Variants in TNXB observed in about 807,000 individuals in gnomAD.
The protein encoded by TNXB is tenascin-X.
In TNXB, 183 loss-of-function variants were observed where a neutral mutation model predicts 340.5. The ratio of observed to expected loss-of-function variants is 0.54; its 90% CI spans 0.48 to 0.61. The LOEUF (loss-of-function observed/expected upper bound fraction) is 0.61, where lower values mean the gene tolerates loss of function less well. Ranked by LOEUF, TNXB falls within the 20% of genes least tolerant of loss-of-function variation. The pLI is 0.00. For synonymous variants in TNXB, 2,121 were observed against 2,314.5 expected (o/e 0.92, Z 2.40); for missense variants, 4,613 against 5,446.4 (o/e 0.85, Z 4.82).
chr6:32,096,682 C>A lies in TNXB; in HGVS notation c.1171G>T (p.Asp391Tyr), dbSNP rs752635548. ...CAGTCGTCCCCGCTGTAGCCCGTGT[C>A]GCAAATGCATTCGCCGTCCTCGCAG... ...GRCEDGECIC[D>Y]TGYSGDDCGV... The change falls in exon 3 of 44, where the codon GAC (aspartate) becomes TAC (tyrosine). Residue 391 changes from aspartate (D) to tyrosine (Y), a missense_variant. By Grantham distance (160) the Asp-to-Tyr change is radical (BLOSUM62 -3). Coordinates refer to ENST00000644971, the MANE Select transcript of TNXB (RefSeq NM_001365276.2). 12 of 1,549,784 alleles carry A rather than the reference C, an allele frequency of 7.7e-6. No homozygotes were observed. In the East Asian group the frequency reaches 2.7e-4, roughly 35 times the overall value.
chr6:32,087,083 A>G lies in TNXB; in HGVS notation c.2780-965T>C, dbSNP rs925141710. 2.0e-5 allele frequency among the ~76,000 whole-genome samples: 3 copies of G among 152,182 alleles called. No homozygotes were observed. The highest frequency in any genetic ancestry group is 7.2e-5 in the African/African-American group (3 of 41,448). ...GGGGTGGGGACGTCTTCTAGGGACA[A>G]TGGACTCGTGCTTTGTCCTGGGGGC... On this transcript the variant is annotated intron_variant, in intron 6 of 43. Coordinates refer to ENST00000644971, the MANE Select transcript of TNXB (RefSeq NM_001365276.2). This position sits in a 1 kb window ranked among gnomAD's most constrained non-coding sequence, Gnocchi z 9.0.
In TNXB at chr6:32,056,464, C is replaced by A. The variant is rs572639663; in HGVS notation, c.8143+122G>T. ...TCAGAGGAAGGCCCAAGGGGAGCCCCAGCCACAAGCAGGTCTGTGGTGCTG... is the reference window on the plus strand; with the variant it reads ...TCAGAGGAAGGCCCAAGGGGAGCCCAAGCCACAAGCAGGTCTGTGGTGCTG... On this transcript the variant is annotated intron_variant, in intron 23 of 43. Coordinates refer to ENST00000644971, the MANE Select transcript of TNXB (RefSeq NM_001365276.2). The A allele has an allele frequency of 3.2e-5, 47 of 1,479,156 alleles. No individual in the cohort carries two copies. In the African/African-American group the frequency reaches 6.1e-4, roughly 19 times the overall value. 91.6% of individuals were successfully genotyped at this position (1,479,156 alleles called of 1,614,324 possible). A position where few individuals can be genotyped will look rare whatever the true frequency, so the allele number is the denominator to read the frequency against.
chr6:32,053,998 AGCCTCCCT>A (rs1777474253), intron 24 of TNXB, among the ~76,000 whole-genome samples: 1 of 150,546 alleles, frequency 6.6e-6, no homozygotes, highest in African/African-American at 2.4e-5. Flanking sequence ...CTGCACCCTT[AGCCTCCCT>A]GCACTGGTGT....
rs559844013 is a variant in TNXB, at chr6:32,106,657, C to T, written c.-9+2524G>A. Among the ~76,000 whole-genome samples the T allele has an allele frequency of 1.6e-4, 24 of 152,304 alleles. No homozygotes were observed. The South Asian group carries it at 4.8e-3, about 30-fold the overall frequency. ...TGAACAGGGACAGAGTGTTTCCACA[C>T]CAAGAGGCTCCCCACCCAAGAAAGC... On this transcript the variant is annotated intron_variant, in intron 1 of 43. Transcript: ENST00000644971.
Position 32,070,554 on chromosome 6 carries a change from A to G in TNXB, c.4991-140T>C. 2 of 953,094 alleles carry G rather than the reference A, an allele frequency of 2.1e-6. No individual in the cohort carries two copies. The highest frequency in any genetic ancestry group is 2.1e-5 in the South Asian group (1 of 48,390). The allele number at this position is 953,094 out of a possible 1,614,324, so 59.0% of individuals were successfully genotyped here. A position where few individuals can be genotyped will look rare whatever the true frequency, so the allele number is the denominator to read the frequency against. ...TCCATCACCTCCCATCCTCACCACC[A>G]TCTCCGTCTGGTCCATGCCTCTCTC... On this transcript the variant is annotated intron_variant, in intron 13 of 43. Transcript: ENST00000644971. This position sits in a 1 kb window ranked among gnomAD's most constrained non-coding sequence, Gnocchi z 6.0.
Position 32,061,391 on chromosome 6 carries a change from A to T in TNXB, c.7492+6T>A, listed in dbSNP as rs1283608676. Reference sequence around the variant, plus strand: ...TGGTTACCCCGAGACTCCAAGCACTACTCACCAGTCACGCCCACGGTGGAC... The same window carrying T: ...TGGTTACCCCGAGACTCCAAGCACTTCTCACCAGTCACGCCCACGGTGGAC... On this transcript the variant is annotated splice_donor_region_variant and intron_variant, in intron 21 of 43. Transcript: ENST00000644971. This position sits in a 1 kb window ranked among gnomAD's most constrained non-coding sequence, Gnocchi z 4.4. 1 of 1,611,588 alleles carries T rather than the reference A, an allele frequency of 6.2e-7. No homozygotes were observed. Among genetic ancestry groups the T allele is most frequent in the Non-Finnish European group, 8.5e-7 (1 of 1,178,888 alleles).
chr6:32,073,516 G>A lies in TNXB; in HGVS notation c.4681+131C>T, dbSNP rs1225800728. 14 of 773,414 alleles carry A rather than the reference G, an allele frequency of 1.8e-5. No homozygotes were observed. In the East Asian group the frequency reaches 2.7e-4, roughly 15 times the overall value. The allele number at this position is 773,414 out of a possible 1,614,324, so 47.9% of individuals were successfully genotyped here. ...GAACAGAAAGACTGGCAGGGTCACC[G>A]AGCCAGGGCCTGAGGGGATCTAGCC... On this transcript the variant is annotated intron_variant, in intron 12 of 43. Transcript: ENST00000644971. This position sits in a 1 kb window ranked among gnomAD's most constrained non-coding sequence, Gnocchi z 4.6.
intron 22 of TNXB, 135 bp from the exon 23 acceptor site, chr6:32,057,038 C>T: frequency 8.6e-7 from 1 of 1,168,778 alleles, no homozygotes; most frequent in South Asian, 1.5e-5. Flanking sequence ...CACAGCTCTT[C>T]ATCCTCTCCT....
chr6:32,071,105 G>A (rs1346871689), intron 13 of TNXB, among the ~76,000 whole-genome samples: 1 of 152,130 alleles, frequency 6.6e-6, no homozygotes, highest in Non-Finnish European at 1.5e-5. Flanking sequence ...CGGTGAGGAC[G>A]CTGACGACAT....
chr6:32,105,300 C>T (rs1217372467), intron 1 of TNXB, among the ~76,000 whole-genome samples: 1 of 152,172 alleles, frequency 6.6e-6, no homozygotes, highest in Non-Finnish European at 1.5e-5. Flanking sequence ...CAGGTCAGGT[C>T]CTCCTATCAT....
rs1356750626 is a variant in TNXB, at chr6:32,080,710, T to G, written c.4042+658A>C. Among the ~76,000 whole-genome samples, 2 of 152,076 alleles carry G rather than the reference T, an allele frequency of 1.3e-5. No homozygotes were observed. Among genetic ancestry groups the G allele is most frequent in the Non-Finnish European group, 1.5e-5 (1 of 68,020 alleles). ...CCGGAGTCTTTGCTCCTAACCACTA[T>G]CCACACTATCTCTCATCAAATAATT... On this transcript the variant is annotated intron_variant, in intron 10 of 43. Transcript: ENST00000644971. This position sits in a 1 kb window ranked among gnomAD's most constrained non-coding sequence, Gnocchi z 4.3.
chr6:32,062,133 C>T lies in TNXB; in HGVS notation c.7168+24G>A, dbSNP rs764228863. 2.6e-5 allele frequency: 41 copies of T among 1,602,516 alleles called. 1 individual carries two copies. The South Asian group carries it at 4.6e-4, about 18-fold the overall frequency. ...GGGTGACCCTCCCATGGCTCCCACCCTGGGGCTCCCATCGTCCACTCACCT... is the reference window on the plus strand; with the variant it reads ...GGGTGACCCTCCCATGGCTCCCACCTTGGGGCTCCCATCGTCCACTCACCT... On this transcript the variant is annotated intron_variant, in intron 20 of 43. Transcript: ENST00000644971. The surrounding 1 kb of genome is among the most constrained non-coding windows in gnomAD (Gnocchi z 4.3).
Position 32,049,258 on chromosome 6 carries a change from C to T in TNXB, c.9757+12G>A, listed in dbSNP as rs57967962. The T allele has an allele frequency of 2.9e-3, 4,625 of 1,604,996 alleles. 149 individuals are homozygous for T. The East Asian group carries it at 0.073, about 25-fold the overall frequency. ...GGTAAACCTGGGGACGAGGGCCTGT[C>T]CCCCCACTCACCCGTGATGCCCACG... On this transcript the variant is annotated intron_variant, in intron 28 of 43. Coordinates refer to ENST00000644971, the MANE Select transcript of TNXB (RefSeq NM_001365276.2). This position sits in a 1 kb window ranked among gnomAD's most constrained non-coding sequence, Gnocchi z 4.5.
In TNXB at chr6:32,097,670, G is replaced by A. The variant is rs554179771; in HGVS notation, c.403+126C>T. 45 of 1,216,016 alleles carry A rather than the reference G, an allele frequency of 3.7e-5. No individual in the cohort carries two copies. The African/African-American group carries it at 4.4e-4, about 12-fold the overall frequency. The allele number at this position is 1,216,016 out of a possible 1,614,324, so 75.3% of individuals were successfully genotyped here. On this transcript the variant is annotated intron_variant, in intron 2 of 43. Coordinates refer to ENST00000644971, the MANE Select transcript of TNXB (RefSeq NM_001365276.2). This position sits in a 1 kb window ranked among gnomAD's most constrained non-coding sequence, Gnocchi z 5.9. ...GCTCTGCTCTCCAAGTTGTGTTCTG[G>A]GCTGCATCCACACCCCTCATGGTGA... is the stretch of plus-strand genomic sequence containing the variant.
chr6:32,064,942 C>T lies in TNXB; in HGVS notation c.6720G>A (p.Val2240=), dbSNP rs1374752859. Residue 2240 remains valine, a synonymous_variant, in exon 19 of 44, where the codon GTG becomes GTA. Coordinates refer to ENST00000644971, the MANE Select transcript of TNXB (RefSeq NM_001365276.2). The surrounding 1 kb of genome is among the most constrained non-coding windows in gnomAD (Gnocchi z 5.3). ...NGDGQPKAVR[V]PGHEDGVTIS... is the part of the protein sequence containing the mutation. ...TGGTGACCCCATCCTCGTGTCCCGGCACCCGCACCGCCTTGGGCTGCCCGT... is the reference window on the plus strand; with the variant it reads ...TGGTGACCCCATCCTCGTGTCCCGGTACCCGCACCGCCTTGGGCTGCCCGT... 1 of 1,612,846 alleles carries T rather than the reference C, an allele frequency of 6.2e-7. No homozygotes were observed. Among genetic ancestry groups the T allele is most frequent in the Admixed American group, 1.7e-5 (1 of 60,018 alleles).
rs201948559 is a variant in TNXB, at chr6:32,044,167, C to T, written c.11264-38G>A. ...CAAGGAACAATGACGCAGGCAGGGG[C>T]AGGGAGGCTTCTCCCTACGAGTCCC... is the stretch of plus-strand genomic sequence containing the variant. On this transcript the variant is annotated intron_variant, in intron 33 of 43. Coordinates refer to ENST00000644971, the MANE Select transcript of TNXB (RefSeq NM_001365276.2). 1.5e-4 allele frequency: 220 copies of T among 1,456,970 alleles called. 9 individuals are homozygous for T. The highest frequency in any genetic ancestry group is 3.1e-4 in the South Asian group (25 of 80,334). 90.3% of individuals were successfully genotyped at this position (1,456,970 alleles called of 1,614,324 possible). A position where few individuals can be genotyped will look rare whatever the true frequency, so the allele number is the denominator to read the frequency against.
rs749168920 is a variant in TNXB, at chr6:32,068,797, G to A, written c.5902+25C>T. 1.1e-5 allele frequency: 18 copies of A among 1,594,314 alleles called. No homozygotes were observed. The highest frequency in any genetic ancestry group is 1.5e-5 in the Non-Finnish European group (18 of 1,167,828). On this transcript the variant is annotated intron_variant, in intron 16 of 43. Coordinates refer to ENST00000644971, the MANE Select transcript of TNXB (RefSeq NM_001365276.2). This position sits in a 1 kb window ranked among gnomAD's most constrained non-coding sequence, Gnocchi z 5.3. ...CTGGACTCTCCCAGCCATCTGAAAG[G>A]AGGCATAGTGGGCAGAGTTCTCACC...
Position 32,067,534 on chromosome 6 carries a change from T to A in TNXB, c.6544+127A>T. 7.6e-7 allele frequency: 1 copy of A among 1,310,740 alleles called. No individual in the cohort carries two copies. Among genetic ancestry groups the A allele is most frequent in the Non-Finnish European group, 1.0e-6 (1 of 982,416 alleles). The allele number at this position is 1,310,740 out of a possible 1,614,324, so 81.2% of individuals were successfully genotyped here. A position where few individuals can be genotyped will look rare whatever the true frequency, so the allele number is the denominator to read the frequency against. ...CTCTGTCCCCAGATCACACCTGTCC[T>A]GAGCCTTTAGTGAACAGGGTGTATT... On this transcript the variant is annotated intron_variant, in intron 18 of 43. Coordinates refer to ENST00000644971, the MANE Select transcript of TNXB (RefSeq NM_001365276.2). The surrounding 1 kb of genome is among the most constrained non-coding windows in gnomAD (Gnocchi z 4.2).
At chr6:32,100,948 C>A (rs575314383) in intron 1 of TNXB, among the ~76,000 whole-genome samples, 2 of 149,900 alleles carry the variant, frequency 1.3e-5, no homozygotes, top group South Asian at 2.1e-4. Flanking sequence ...GGCGTGGTAG[C>A]GGGCACCTGT....
Sources: gnomAD v4.1 joint callset for allele counts (sites outside exome capture counted in the v4.1 genomes callset) on GRCh38, gnomAD v4.1.1 for gene constraint, Gnocchi (gnomAD v3.1) non-coding constraint, MANE v1.5 for transcripts, NCBI Gene and HGNC (gene_info 2026-07-23, HGNC 2026-07-21) for gene names.